DLG2: variants seen among roughly 807,000 people sequenced by gnomAD.
DLG2 encodes the protein disks large homolog 2.
In DLG2, 45 loss-of-function variants were observed where a neutral mutation model predicts 132.5. The ratio of observed to expected loss-of-function variants is 0.34; its 90% CI spans 0.27 to 0.44. DLG2 has a LOEUF of 0.44. DLG2 is among the 20% of genes least tolerant of loss of function. The pLI is 1.00. For missense variants in DLG2, 1,045 were observed against 1,196.9 expected (o/e 0.87, Z 1.87); for synonymous variants, 424 against 419.6 (o/e 1.01, Z -0.13).
At chr11:85,068,085 T>C (rs2065206415) in intron 6 of DLG2, among the ~76,000 whole-genome samples, 1 of 152,214 alleles carries the variant, frequency 6.6e-6, no homozygotes, top group South Asian at 2.1e-4. Flanking sequence ...GAAAAGGCCT[T>C]TGACAAAATT....
At chr11:84,137,057 G>A (rs2094630045) in intron 9 of DLG2, among the ~76,000 whole-genome samples, 1 of 152,106 alleles carries the variant, frequency 6.6e-6, no homozygotes, top group African/African-American at 2.4e-5. Flanking sequence ...CAGGAAAGGG[G>A]GAGCTTTTGA....
chr11:84,821,004 TA>T (rs2077608487), intron 6 of DLG2, among the ~76,000 whole-genome samples: 1 of 151,838 alleles, frequency 6.6e-6, no homozygotes, highest in Non-Finnish European at 1.5e-5. Context: ...AGATAGACTG[TA>T]AATGCAGTAG....
chr11:85,275,010 G>A (rs1478061274), intron 4 of DLG2, among the ~76,000 whole-genome samples: 5 of 151,980 alleles, frequency 3.3e-5, no homozygotes, highest in Non-Finnish European at 7.4e-5. Context: ...CTGTATCTTC[G>A]GGAAGATACC....
intron 3 of DLG2, among the ~76,000 whole-genome samples, chr11:85,488,699 C>A (rs1013921702): frequency 2.0e-5 from 3 of 152,206 alleles, no homozygotes; most frequent in Non-Finnish European, 2.9e-5. Context: ...AATGGAATGA[C>A]ATATTCAAAG....
intron 5 of DLG2, among the ~76,000 whole-genome samples, chr11:85,121,001 G>C: frequency 6.6e-6 from 1 of 152,000 alleles, no homozygotes; most frequent in Non-Finnish European, 1.5e-5. Context: ...TGTATGCATA[G>C]TGCTGGTGTC....
At chr11:85,548,592 C>T (rs750775483) in intron 3 of DLG2, among the ~76,000 whole-genome samples, 14 of 152,188 alleles carry the variant, frequency 9.2e-5, no homozygotes, top group Non-Finnish European at 1.6e-4. Context: ...TGTCCCCAAC[C>T]GCCCCTTCCC....
intron 6 of DLG2, among the ~76,000 whole-genome samples, chr11:84,537,129 G>A (rs1027359849): frequency 1.3e-5 from 2 of 151,820 alleles, no homozygotes; most frequent in Non-Finnish European, 2.9e-5. Flanking sequence ...TTATGAGACG[G>A]ACTCCAGCTC....
At chr11:84,415,411 T>C (rs1341934965) in intron 7 of DLG2, among the ~76,000 whole-genome samples, 1 of 152,350 alleles carries the variant, frequency 6.6e-6, no homozygotes, top group South Asian at 2.1e-4. Flanking sequence ...ATGAACATTA[T>C]GTACAAAGCA....
chr11:83,902,983 C>T (rs777372054), intron 15 of DLG2, among the ~76,000 whole-genome samples: 1 of 152,054 alleles, frequency 6.6e-6, no homozygotes, highest in Non-Finnish European at 1.5e-5. Context: ...TGCCATTGTT[C>T]TATGATCATA....
intron 6 of DLG2, among the ~76,000 whole-genome samples, chr11:85,108,087 G>A (rs2072108881): frequency 6.6e-6 from 1 of 151,830 alleles, no homozygotes; most frequent in African/African-American, 2.4e-5. Flanking sequence ...ATATGTAACT[G>A]GTGACAGACA....
At chr11:85,033,402 A>T (rs2061187788) in intron 6 of DLG2, among the ~76,000 whole-genome samples, 1 of 151,974 alleles carries the variant, frequency 6.6e-6, no homozygotes, top group Non-Finnish European at 1.5e-5. Context: ...AAAAAAAAAA[A>T]AAAAAATTCA....
chr11:84,769,147 G>A (rs1006553899), intron 6 of DLG2, among the ~76,000 whole-genome samples: 2 of 152,112 alleles, frequency 1.3e-5, no homozygotes, highest in East Asian at 3.9e-4. Context: ...AACCAAAATG[G>A]AAATTCAGAA....
chr11:84,675,190 C>A (rs2099709962), intron 6 of DLG2, among the ~76,000 whole-genome samples: 1 of 152,206 alleles, frequency 6.6e-6, no homozygotes, highest in South Asian at 2.1e-4. Context: ...ATTTTCAGCA[C>A]CTGTTTGGAT....
intron 11 of DLG2, among the ~76,000 whole-genome samples, chr11:83,985,785 C>T (rs1306626102): frequency 6.6e-6 from 1 of 152,078 alleles, no homozygotes; most frequent in Non-Finnish European, 1.5e-5. Context: ...GATTCCATGT[C>T]TTTGCTATTG....
intron 6 of DLG2, among the ~76,000 whole-genome samples, chr11:84,733,238 C>T (rs1353976412): frequency 1.3e-5 from 2 of 152,186 alleles, no homozygotes; most frequent in Non-Finnish European, 2.9e-5. Context: ...AATGGTTGAA[C>T]TAGTTTACAG....
chr11:84,036,405 G>A (rs1359255583), intron 11 of DLG2, among the ~76,000 whole-genome samples: 3 of 68,792 alleles, frequency 4.4e-5, no homozygotes, highest in Admixed American at 4.2e-4. Flanking sequence ...TAAGCCAGAA[G>A]CTCCAAAATG....
rs555664307 is a variant in DLG2, at chr11:85,008,166, T to C, written c.357+103495A>G. Among the ~76,000 whole-genome samples the C allele has an allele frequency of 1.1e-3, 162 of 152,278 alleles. 1 individual carries two copies. Among genetic ancestry groups the C allele is most frequent in the Middle Eastern group, 3.4e-3 (1 of 294 alleles). ...GAAATGAGTTTTGATATCAAGAGTA[T>C]ATAAAACTTTTCATTTTATGAAAGT... On this transcript the variant is annotated intron_variant, in intron 6 of 27. Coordinates refer to ENST00000376104, the MANE Select transcript of DLG2 (RefSeq NM_001142699.3).
intron 6 of DLG2, among the ~76,000 whole-genome samples, chr11:84,677,716 A>T (rs943687232): frequency 1.3e-5 from 2 of 151,940 alleles, no homozygotes; most frequent in Non-Finnish European, 2.9e-5. Context: ...GACCTCTGCA[A>T]AAAAAGAAAT....
At chr11:83,834,137 G>C (rs1565263681) in intron 16 of DLG2, among the ~76,000 whole-genome samples, 1 of 152,196 alleles carries the variant, frequency 6.6e-6, no homozygotes, top group Non-Finnish European at 1.5e-5. Flanking sequence ...AAGAGACTAA[G>C]GTTGAATGCC....
Sources: allele counts gnomAD v4.1 joint callset (sites outside exome capture counted in the v4.1 genomes callset), GRCh38; gene constraint gnomAD v4.1.1; transcripts MANE v1.5; gene names NCBI Gene and HGNC (gene_info 2026-07-23, HGNC 2026-07-21).